Variants in SLC14A2 observed in about 807,000 individuals in gnomAD.
The protein encoded by SLC14A2 is solute carrier family 14 member 2.
SLC14A2 carries 91 observed loss-of-function variants against 104.6 expected under a neutral mutation model. That is an observed-to-expected ratio of 0.87 (90% CI 0.73 to 1.04). The LOEUF is 1.04. Ranked by LOEUF, SLC14A2 falls within the 50% of genes least tolerant of loss-of-function variation. The pLI is 0.00. For synonymous variants in SLC14A2, 476 were observed against 466.4 expected (o/e 1.02, Z -0.27); for missense variants, 1,189 against 1,156.0 (o/e 1.03, Z -0.41).
chr18:45,543,314 A>G (rs1385679029), intron 2 of SLC14A2, among the ~76,000 whole-genome samples: 2 of 152,136 alleles, frequency 1.3e-5, no homozygotes, highest in Non-Finnish European at 2.9e-5. Context: ...CTGTGGTATC[A>G]GGGTTTTAAG....
At chr18:45,453,659 T>G (rs890951060) in intron 1 of SLC14A2, among the ~76,000 whole-genome samples, 1 of 152,090 alleles carries the variant, frequency 6.6e-6, no homozygotes, top group Admixed American at 6.5e-5. Flanking sequence ...ATTTTTGTGA[T>G]CCTGTGAACT....
At chr18:45,619,965 C>G (rs1599074000) in intron 1 of SLC14A2, among the ~76,000 whole-genome samples, 1 of 152,186 alleles carries the variant, frequency 6.6e-6, no homozygotes, top group Non-Finnish European at 1.5e-5. Context: ...CACGCGGCCC[C>G]GAGTGGCAGA....
In SLC14A2 at chr18:45,641,222, C is replaced by T. The variant is rs1394682480; in HGVS notation, c.1005C>T (p.Ala335=). ...CTTGTCCCATAGCCCTGTCAGTGGC[C>T]ACACCCTTCGAGACCATCTACACAG... ...IVGLLAALSV[A]TPFETIYTGL... The change falls in exon 8 of 20, where the codon GCC becomes GCT. Residue 335 remains alanine, a synonymous_variant. Transcript: ENST00000255226. The T allele has an allele frequency of 1.2e-6, 2 of 1,613,466 alleles. No homozygotes were observed. The highest frequency in any genetic ancestry group is 2.7e-5 in the African/African-American group (2 of 74,698).
Position 45,525,819 on chromosome 18 carries a change from A to G in SLC14A2, c.-35+42497A>G, listed in dbSNP as rs138455137. On this transcript the variant is annotated intron_variant, in intron 2 of 20. Transcript: ENST00000586448. ...GCAACTCCCCATTTACAGTTGTACAAATTCAAATTTGCAGGAGATGTGCTG... is the reference window on the plus strand; with the variant it reads ...GCAACTCCCCATTTACAGTTGTACAGATTCAAATTTGCAGGAGATGTGCTG... Among the ~76,000 whole-genome samples, 150 of 152,288 alleles carry G rather than the reference A, an allele frequency of 9.8e-4. 1 individual carries two copies. Among genetic ancestry groups the G allele is most frequent in the African/African-American group, 3.3e-3 (136 of 41,562 alleles).
chr18:45,300,785 C>T (rs538559185), intron 1 of SLC14A2, among the ~76,000 whole-genome samples: 1 of 152,278 alleles, frequency 6.6e-6, no homozygotes, highest in South Asian at 2.1e-4. Context: ...ATGGGAAGTG[C>T]ATTCCTTGCC....
chr18:45,613,640 T>C (rs2045010217), upstream of SLC14A2, among the ~76,000 whole-genome samples: 1 of 152,212 alleles, frequency 6.6e-6, no homozygotes, highest in African/African-American at 2.4e-5. Flanking sequence ...TGCTATGCTT[T>C]AGCAAAGAGA....
chr18:45,229,847 A>G (rs1028967355), intron 1 of SLC14A2, among the ~76,000 whole-genome samples: 3 of 151,068 alleles, frequency 2.0e-5, no homozygotes. Context: ...TCTTCACCCT[A>G]TGGAATGAAC....
At position 45,567,284 on chromosome 18, in the gene SLC14A2, C is replaced by T. The variant is rs529530586; in HGVS notation, c.-34-57347C>T. Among the ~76,000 whole-genome samples, 25 of 152,238 alleles carry T rather than the reference C, an allele frequency of 1.6e-4. No individual in the cohort carries two copies. In the East Asian group the frequency reaches 4.3e-3, roughly 26 times the overall value. On this transcript the variant is annotated intron_variant, in intron 2 of 20. Transcript: ENST00000586448. ...ATCTCAAGCCTGTGGGAAAAGGGCC[C>T]ACCCTTCCTAAGCTGAGATAGACAG... is the stretch of plus-strand genomic sequence containing the variant.
At chr18:45,210,003 T>C (rs773280890), upstream of SLC14A2, among the ~76,000 whole-genome samples, 2 of 152,184 alleles carry the variant, frequency 1.3e-5, no homozygotes, top group Non-Finnish European at 2.9e-5. Flanking sequence ...GAAAGCCCGA[T>C]AGCATCAGAA....
In SLC14A2 at chr18:45,426,348, T is replaced by C. The variant is rs917636690; in HGVS notation, c.-124-56885T>C. ...ATCATCTAACTTATCGAGTGCGTAA[T>C]CGTGATTTTTCAACTGGATTGTGGT... is the stretch of plus-strand genomic sequence containing the variant. On this transcript the variant is annotated intron_variant, in intron 1 of 20. Coordinates refer to the SLC14A2 transcript ENST00000586448. 3.3e-5 allele frequency among the ~76,000 whole-genome samples: 5 copies of C among 152,062 alleles called. No individual in the cohort carries two copies. The South Asian group carries it at 1.0e-3, about 32-fold the overall frequency.
At chr18:45,488,284 T>A (rs911880317) in intron 2 of SLC14A2, among the ~76,000 whole-genome samples, 3 of 152,172 alleles carry the variant, frequency 2.0e-5, no homozygotes, top group African/African-American at 4.8e-5. Context: ...ACAAGCAGAT[T>A]GTAAGTTCTG....
chr18:45,326,262 G>A (rs1280834540), intron 1 of SLC14A2, among the ~76,000 whole-genome samples: 1 of 152,116 alleles, frequency 6.6e-6, no homozygotes, highest in Non-Finnish European at 1.5e-5. Flanking sequence ...TTCTCCACCT[G>A]AATGCAAGTT....
the SLC14A2 span, among the ~76,000 whole-genome samples, chr18:45,191,349 G>C: frequency 6.6e-6 from 1 of 152,182 alleles, no homozygotes; most frequent in Non-Finnish European, 1.5e-5. Context: ...AGGAGTCCCA[G>C]ATATGTCTGA....
At chr18:45,391,360 A>G (rs1164848779) in intron 1 of SLC14A2, among the ~76,000 whole-genome samples, 4 of 152,194 alleles carry the variant, frequency 2.6e-5, no homozygotes, top group Non-Finnish European at 5.9e-5. Flanking sequence ...AGTCTTTGCT[A>G]TTGTGAATAG....
At chr18:45,385,144 A>G (rs1464621087) in intron 1 of SLC14A2, among the ~76,000 whole-genome samples, 3 of 152,228 alleles carry the variant, frequency 2.0e-5, no homozygotes, top group African/African-American at 7.2e-5. Context: ...AAAACCTGCA[A>G]CCGCGAAGTG....
chr18:45,341,911 C>T (rs1160232419), intron 1 of SLC14A2, among the ~76,000 whole-genome samples: 1 of 152,088 alleles, frequency 6.6e-6, no homozygotes, highest in African/African-American at 2.4e-5. Flanking sequence ...TTTCTAAGCA[C>T]AAGAAGGCTG....
At chr18:45,511,200 T>A in intron 2 of SLC14A2, among the ~76,000 whole-genome samples, 1 of 152,212 alleles carries the variant, frequency 6.6e-6, no homozygotes, top group East Asian at 1.9e-4. Context: ...AAAGTAGCAC[T>A]TTATTATGTA....
chr18:45,593,798 T>C (rs2044686134), intron 2 of SLC14A2, among the ~76,000 whole-genome samples: 1 of 152,202 alleles, frequency 6.6e-6, no homozygotes, highest in Non-Finnish European at 1.5e-5. Context: ...CGCATTTCCT[T>C]AATCTTACCT....
chr18:45,333,534 A>G (rs2085309773), intron 1 of SLC14A2, among the ~76,000 whole-genome samples: 1 of 152,230 alleles, frequency 6.6e-6, no homozygotes, highest in Non-Finnish European at 1.5e-5. Flanking sequence ...GTAGATCTGT[A>G]CCAGAACTGG....
Sources: gnomAD v4.1 joint callset for allele counts (sites outside exome capture counted in the v4.1 genomes callset) on GRCh38, gnomAD v4.1.1 for gene constraint, MANE v1.5 for transcripts, NCBI Gene and HGNC (gene_info 2026-07-23, HGNC 2026-07-21) for gene names.